Variants in LRRC4C observed in about 807,000 individuals in gnomAD.
LRRC4C encodes leucine rich repeat containing 4C, also known as leucine-rich repeat-containing protein 4C.
In LRRC4C, 5 loss-of-function variants were observed where a neutral mutation model predicts 33.6. That is an observed-to-expected ratio of 0.15 (90% CI 0.08 to 0.31). The LOEUF is 0.31. Among genes scored for constraint, LRRC4C ranks in the 10% least tolerant of loss-of-function variants. The probability of loss-of-function intolerance (pLI) is 1.00; values close to 1 mark genes in which losing one functional copy is unlikely to be tolerated. For synonymous variants in LRRC4C, 329 were observed against 302.0 expected, an observed-to-expected ratio of 1.09 and a Z score of -0.93; for missense variants, 560 against 796.7, an observed-to-expected ratio of 0.70 and a Z score of 3.58.
intron 3 of LRRC4C, among the ~76,000 whole-genome samples, chr11:40,538,204 C>G (rs1956555429): frequency 6.6e-6 from 1 of 152,116 alleles, no homozygotes; most frequent in African/African-American, 2.4e-5. Flanking sequence ...AGTCTGAGAA[C>G]TGCCGCTCTC....
intron 2 of LRRC4C, among the ~76,000 whole-genome samples, chr11:40,743,869 C>T (rs186112035): frequency 2.0e-4 from 31 of 152,092 alleles, no homozygotes; most frequent in Middle Eastern, 6.8e-3. Flanking sequence ...ACTTGATAGA[C>T]GTGCTCTTGT....
intron 2 of LRRC4C, among the ~76,000 whole-genome samples, chr11:40,805,327 G>A (rs973431967): frequency 6.6e-6 from 1 of 152,156 alleles, no homozygotes; most frequent in Non-Finnish European, 1.5e-5. Context: ...AGTGGAAAAG[G>A]GGGAGGAAAA....
intron 4 of LRRC4C, among the ~76,000 whole-genome samples, chr11:40,242,754 G>A (rs1170217609): frequency 6.8e-6 from 1 of 147,398 alleles, no homozygotes; most frequent in Non-Finnish European, 1.5e-5. Flanking sequence ...CAACACAGAG[G>A]ATACAAATTC....
chr11:40,256,976 C>T (rs536615668), intron 4 of LRRC4C, among the ~76,000 whole-genome samples: 10 of 152,324 alleles, frequency 6.6e-5, no homozygotes, highest in African/African-American at 1.9e-4. Flanking sequence ...CCTGCCAAAG[C>T]TCTGATGTTT....
chr11:40,684,152 T>C (rs1944841001), intron 2 of LRRC4C, among the ~76,000 whole-genome samples: 1 of 152,014 alleles, frequency 6.6e-6, no homozygotes, highest in Non-Finnish European at 1.5e-5. Flanking sequence ...AAAAATATTT[T>C]AAAATTGAAG....
At chr11:40,444,804 C>T (rs761937519) in intron 3 of LRRC4C, among the ~76,000 whole-genome samples, 1 of 152,162 alleles carries the variant, frequency 6.6e-6, no homozygotes, top group Non-Finnish European at 1.5e-5. Flanking sequence ...TCAGGAAGCT[C>T]TGAAAGTGAA....
At chr11:41,026,148 C>T (rs1856338303) in intron 1 of LRRC4C, among the ~76,000 whole-genome samples, 1 of 151,544 alleles carries the variant, frequency 6.6e-6, no homozygotes, top group Non-Finnish European at 1.5e-5. Context: ...ATAGTGATTC[C>T]TCTGATAAAT....
At chr11:40,344,020 C>T (rs1405003272) in intron 3 of LRRC4C, among the ~76,000 whole-genome samples, 1 of 151,832 alleles carries the variant, frequency 6.6e-6, no homozygotes, top group Non-Finnish European at 1.5e-5. Context: ...AGCCTGCAAA[C>T]CAAAAAAAGC....
At chr11:40,827,851 A>T (rs1952233588) in intron 2 of LRRC4C, among the ~76,000 whole-genome samples, 1 of 151,762 alleles carries the variant, frequency 6.6e-6, no homozygotes, top group African/African-American at 2.4e-5. Flanking sequence ...GAAATACCAC[A>T]TATGAAGGAT....
intron 3 of LRRC4C, among the ~76,000 whole-genome samples, chr11:40,370,107 C>T (rs1948386604): frequency 1.3e-5 from 2 of 152,124 alleles, no homozygotes; most frequent in African/African-American, 2.4e-5. Context: ...ATTCCTCTAT[C>T]TGAGTATGGA....
intron 4 of LRRC4C, among the ~76,000 whole-genome samples, chr11:40,286,199 A>G (rs1360082865): frequency 6.6e-6 from 1 of 152,166 alleles, no homozygotes; most frequent in African/African-American, 2.4e-5. Context: ...TAATTTATGC[A>G]TTAGGCACAG....
At chr11:40,343,673 A>AG (rs1303778805) in intron 3 of LRRC4C, among the ~76,000 whole-genome samples, 1 of 148,002 alleles carries the variant, frequency 6.8e-6, no homozygotes, top group Non-Finnish European at 1.5e-5. Context: ...ACAAAAAAAA[A>AG]CTTACAAAAG....
chr11:40,180,538 G>A (rs190822422), intron 5 of LRRC4C, among the ~76,000 whole-genome samples: 88 of 152,006 alleles, frequency 5.8e-4, no homozygotes, highest in African/African-American at 2.1e-3. Context: ...ATAGCACTGA[G>A]GGACTACATA....
At chr11:40,909,705 A>T (rs1956582558) in intron 2 of LRRC4C, among the ~76,000 whole-genome samples, 1 of 152,104 alleles carries the variant, frequency 6.6e-6, no homozygotes, top group African/African-American at 2.4e-5. Flanking sequence ...ATATCTTTTG[A>T]CCTTCTGCCT....
At chr11:40,664,998 C>A (rs923638247) in intron 2 of LRRC4C, among the ~76,000 whole-genome samples, 1 of 146,644 alleles carries the variant, frequency 6.8e-6, no homozygotes, top group Non-Finnish European at 1.5e-5. Context: ...TTGTTCAATT[C>A]CCACCTATGA....
chr11:40,520,828 G>A (rs1480869300), intron 3 of LRRC4C, among the ~76,000 whole-genome samples: 1 of 152,140 alleles, frequency 6.6e-6, no homozygotes, highest in African/African-American at 2.4e-5. Flanking sequence ...AGGTATGCCT[G>A]TATTTTATAG....
At chr11:40,677,223 T>C (rs535121855) in intron 2 of LRRC4C, among the ~76,000 whole-genome samples, 1 of 152,016 alleles carries the variant, frequency 6.6e-6, no homozygotes, top group South Asian at 2.1e-4. Flanking sequence ...CTGTCCCTAC[T>C]AAAAATACAA....
intron 1 of LRRC4C, among the ~76,000 whole-genome samples, chr11:41,264,158 C>T (rs1369217615): frequency 6.8e-6 from 1 of 146,628 alleles, no homozygotes; most frequent in Admixed American, 6.9e-5. Context: ...GTGGCTCAAT[C>T]TTGGCTCACT....
intron 5 of LRRC4C, among the ~76,000 whole-genome samples, chr11:40,218,706 T>TCTAA (rs1320942887): frequency 9.2e-4 from 138 of 150,520 alleles, no homozygotes; most frequent in Non-Finnish European, 3.4e-4. Context: ...TATCTATCTA[T>TCTAA]CTATCTATCT....
Sources: gnomAD v4.1 joint callset for allele counts (sites outside exome capture counted in the v4.1 genomes callset) on GRCh38, gnomAD v4.1.1 for gene constraint, MANE v1.5 for transcripts, NCBI Gene and HGNC (gene_info 2026-07-23, HGNC 2026-07-21) for gene names.